Variants in TMLHE observed in about 807,000 individuals in gnomAD.
TMLHE encodes trimethyllysine dioxygenase, mitochondrial.
In TMLHE, 18 loss-of-function variants were observed where a neutral mutation model predicts 25.7. The observed-to-expected ratio is 0.70, with a 90% confidence interval of 0.48 to 1.04. TMLHE has a LOEUF of 1.04. TMLHE is among the 50% of genes least tolerant of loss of function. TMLHE has a pLI of 0.00. For missense variants in TMLHE, 236 were observed against 259.0 expected (o/e 0.91, Z 0.61); for synonymous variants, 105 against 97.0 (o/e 1.08, Z -0.49).
chrX:155,568,379 T>A lies in TMLHE; in HGVS notation c.-1-23102A>T, dbSNP rs2067520680. ...CCACCACAGTTCAAGGAGGCCTGCC[T>A]GCCTCTGTAGGCTCCACCTCTGGGG... On this transcript the variant is annotated intron_variant, in intron 1 of 7. Transcript: ENST00000334398. Among the ~76,000 whole-genome samples the A allele has an allele frequency of 4.9e-5, 3 of 61,845 alleles. 1 individual carries two copies. The highest frequency in any genetic ancestry group is 1.1e-4 in the African/African-American group (3 of 27,834). The allele number at this position is 61,845 out of a possible 115,157, so 53.7% of individuals were successfully genotyped here.
At chrX:155,547,156 T>G (rs1047944517) in intron 1 of TMLHE, among the ~76,000 whole-genome samples, 1 of 109,694 alleles carries the variant, frequency 9.1e-6, no homozygotes, top group Non-Finnish European at 1.9e-5. Flanking sequence ...GTACTTTTTT[T>G]TTTTTTGAGA....
chrX:155,568,153 A>G (rs1557342337), intron 1 of TMLHE, among the ~76,000 whole-genome samples: 1 of 61,393 alleles, frequency 1.6e-5, no homozygotes, highest in African/African-American at 3.6e-5. Context: ...CTTTTCCGAC[A>G]GGCTGAAAAA....
chrX:155,590,026 G>T (rs1220883654), intron 1 of TMLHE, among the ~76,000 whole-genome samples: 2 of 111,866 alleles, frequency 1.8e-5, no homozygotes, highest in Admixed American at 1.9e-4. Context: ...AAAATTGAGA[G>T]AATTTATTAC....
intron 1 of TMLHE, among the ~76,000 whole-genome samples, chrX:155,608,695 T>C (rs1434527252): frequency 3.6e-5 from 4 of 111,802 alleles, no homozygotes; most frequent in African/African-American, 1.3e-4. Flanking sequence ...TATAAGGCAC[T>C]TAAATTAACA....
Position 155,491,601 on chromosome X carries a change from C to G in TMLHE, c.1200G>C (p.Leu400=). The G allele has an allele frequency of 2.5e-6, 1 of 404,913 alleles. No individual in the cohort carries two copies. The highest frequency in any genetic ancestry group is 4.0e-6 in the Non-Finnish European group (1 of 248,875). 33.4% of individuals were successfully genotyped at this position (404,913 alleles called of 1,213,427 possible). A position where few individuals can be genotyped will look rare whatever the true frequency, so the allele number is the denominator to read the frequency against. Residue 400 remains leucine (L), a synonymous_variant, in exon 8 of 8, where the codon CTG becomes CTC. Transcript: ENST00000334398. ...GRECFTGYRQ[L]CGCYLTRDDV... is the part of the protein sequence containing the mutation. ...CATCTCTTGTTAAATAGCAGCCACA[C>G]AGTTGGCGGTAGCCAGTGAAGCATT...
intron 3 of TMLHE, 70 bp from the exon 4 acceptor site, chrX:155,514,335 C>A (rs182277596): frequency 1.1e-5 from 12 of 1,058,109 alleles, no homozygotes; most frequent in Non-Finnish European, 1.5e-5. Context: ...TTGGTTACAA[C>A]TAGTTAAGAA....
At chrX:155,583,139 A>C (rs1557344797) in intron 1 of TMLHE, among the ~76,000 whole-genome samples, 4 of 110,737 alleles carry the variant, frequency 3.6e-5, no homozygotes, top group Non-Finnish European at 7.6e-5. Flanking sequence ...ACTTGGACAC[A>C]GGGTGGGGAA....
chrX:155,512,991 T>A (rs1276280673), intron 4 of TMLHE, among the ~76,000 whole-genome samples: 1 of 111,743 alleles, frequency 8.9e-6, no homozygotes, highest in Non-Finnish European at 1.9e-5. Context: ...AAATAGGAAA[T>A]GCTCTTCCTT....
At chrX:155,575,358 C>T (rs1026871010) in intron 1 of TMLHE, among the ~76,000 whole-genome samples, 3 of 111,639 alleles carry the variant, frequency 2.7e-5, no homozygotes, top group Non-Finnish European at 5.6e-5. Context: ...TTTGGAGGGA[C>T]AAAATTCAAT....
intron 1 of TMLHE, among the ~76,000 whole-genome samples, chrX:155,578,794 C>G (rs1190168014): frequency 9.0e-6 from 1 of 111,055 alleles, no homozygotes; most frequent in Non-Finnish European, 1.9e-5. Context: ...CAAGCTCAGC[C>G]CACTGCTGCC....
rs34370815 is a variant in TMLHE, at chrX:155,586,226, C to CA, written c.-2+26565dup. 8.5e-3 allele frequency among the ~76,000 whole-genome samples: 686 copies of CA among 80,472 alleles called. 5 individuals carry two copies. Among genetic ancestry groups the CA allele is most frequent in the African/African-American group, 0.03 (603 of 20,060 alleles). 69.9% of individuals were successfully genotyped at this position (80,472 alleles called of 115,157 possible). ...GGGCAACAAGAGCAAAGCTCCGTCT[C>CA]AAAAAAAAAAAAAAAATCCATGGTT... On this transcript the variant is annotated intron_variant, in intron 1 of 7. Transcript: ENST00000334398.
At chrX:155,549,067 T>C (rs2067391254) in intron 1 of TMLHE, among the ~76,000 whole-genome samples, 2 of 111,521 alleles carry the variant, frequency 1.8e-5, no homozygotes, top group Non-Finnish European at 3.8e-5. Context: ...GTATACACAA[T>C]GCAACTGACT....
chrX:155,579,652 T>A (rs2067613024), intron 1 of TMLHE, among the ~76,000 whole-genome samples: 1 of 111,472 alleles, frequency 9.0e-6, no homozygotes, highest in African/African-American at 3.3e-5. Flanking sequence ...CAATAGGTAG[T>A]TTCTCAGCCT....
rs781909978 is a variant in TMLHE, at chrX:155,548,605, C to G, written c.-1-3328G>C. On this transcript the variant is annotated intron_variant, in intron 1 of 7. Transcript: ENST00000334398. ...CAAAAATTAGCCGGGTGTGGTGGCA[C>G]ACACCTGTATTCCCAGCTACTCAGG... Among the ~76,000 whole-genome samples the G allele has an allele frequency of 1.1e-3, 122 of 107,049 alleles. 3 individuals are homozygous for G. The highest frequency in any genetic ancestry group is 1.7e-3 in the Non-Finnish European group (91 of 52,179). 93.0% of individuals were successfully genotyped at this position (107,049 alleles called of 115,157 possible).
At chrX:155,583,895 T>G (rs1557344959) in intron 1 of TMLHE, among the ~76,000 whole-genome samples, 7 of 111,055 alleles carry the variant, frequency 6.3e-5, no homozygotes. Context: ...ATCCCAGACT[T>G]CATTACTAGG....
intron 1 of TMLHE, among the ~76,000 whole-genome samples, chrX:155,548,280 A>G (rs1321939301): frequency 8.9e-6 from 1 of 111,857 alleles, no homozygotes; most frequent in Non-Finnish European, 1.9e-5. Flanking sequence ...CTGTACATCA[A>G]AGGATACAAC....
At chrX:155,597,776 A>G (rs904753276) in intron 1 of TMLHE, among the ~76,000 whole-genome samples, 1 of 110,160 alleles carries the variant, frequency 9.1e-6, no homozygotes, top group Admixed American at 9.6e-5. Context: ...AAGATGCTCA[A>G]CTGGTAAGCA....
rs781981822 is a variant in TMLHE at position 155,555,386 on chromosome X, T to C, written c.-1-10109A>G. 5.4e-5 allele frequency among the ~76,000 whole-genome samples: 6 copies of C among 110,742 alleles called. No individual in the cohort carries two copies. The East Asian group carries it at 1.1e-3, about 21-fold the overall frequency. On this transcript the variant is annotated intron_variant, in intron 1 of 7. Coordinates refer to ENST00000334398, the MANE Select transcript of TMLHE (RefSeq NM_018196.4). ...AGCATGATTTATAATCCTTTGGGTA[T>C]ATACCTAGTAATGGAATCACTGGGT...
At chrX:155,549,864 A>C (rs1022979962) in intron 1 of TMLHE, among the ~76,000 whole-genome samples, 12 of 109,449 alleles carry the variant, frequency 1.1e-4, no homozygotes, top group African/African-American at 3.7e-4. Context: ...TCCTAATGCT[A>C]TCCCTCCCCT....
Sources: gnomAD v4.1 joint callset for allele counts (sites outside exome capture counted in the v4.1 genomes callset) on GRCh38, gnomAD v4.1.1 for gene constraint, MANE v1.5 for transcripts, NCBI Gene and HGNC (gene_info 2026-07-23, HGNC 2026-07-21) for gene names.